Variants in RASA2 observed in about 807,000 individuals in gnomAD.
RASA2 encodes the protein RAS p21 protein activator 2, also known as ras GTPase-activating protein 2.
Under a neutral mutation model 118.2 loss-of-function variants are expected in RASA2, and 155 were observed. That is an observed-to-expected ratio of 1.31 (90% CI 1.15 to 1.50). The LOEUF (loss-of-function observed/expected upper bound fraction) is 1.50, where lower values mean the gene tolerates loss of function less well. Ranked by LOEUF, RASA2 falls within the 40% of genes most tolerant of loss-of-function variation. The pLI is 0.00. For synonymous variants in RASA2, 353 were observed against 349.1 expected, an observed-to-expected ratio of 1.01 and a Z score of -0.12; for missense variants, 1,016 against 1,009.6, an observed-to-expected ratio of 1.01 and a Z score of -0.09.
rs201542142 is a variant in RASA2, at chr3:141,507,030, TGAA to T, written c.134-5129_134-5127del. ...AATTTTATCCAAATGCTACAGAAGATGAAGAAATATTTTGTGAAGGTAGATACA... is the reference window on the plus strand; with the variant it reads ...AATTTTATCCAAATGCTACAGAAGATGAAATATTTTGTGAAGGTAGATACA... On this transcript the variant is annotated intron_variant, in intron 1 of 23. Transcript: ENST00000286364. 8.5e-3 allele frequency among the ~76,000 whole-genome samples: 1,297 copies of T among 152,142 alleles called. 20 individuals are homozygous for T. The highest frequency in any genetic ancestry group is 0.025 in the African/African-American group (1,046 of 41,504).
chr3:141,566,728 C>G (rs1429449323), intron 9 of RASA2, among the ~76,000 whole-genome samples: 1 of 151,992 alleles, frequency 6.6e-6, no homozygotes, highest in Non-Finnish European at 1.5e-5. Flanking sequence ...AAAAAAAAAT[C>G]AGTGTATGTA....
intron 7 of RASA2, among the ~76,000 whole-genome samples, chr3:141,558,435 A>G (rs1244807027): frequency 6.6e-6 from 1 of 152,212 alleles, no homozygotes; most frequent in Non-Finnish European, 1.5e-5. Flanking sequence ...TAAATTAAAT[A>G]GGAGATCAAG....
At chr3:141,491,850 T>C (rs2081643428) in intron 1 of RASA2, among the ~76,000 whole-genome samples, 1 of 152,246 alleles carries the variant, frequency 6.6e-6, no homozygotes, top group South Asian at 2.1e-4. Context: ...TTAAGTGTTT[T>C]AATTTGACAT....
At chr3:141,496,671 G>A (rs1269858706) in intron 1 of RASA2, among the ~76,000 whole-genome samples, 1 of 152,208 alleles carries the variant, frequency 6.6e-6, no homozygotes, top group East Asian at 1.9e-4. Flanking sequence ...AACAACAGGT[G>A]CTGGAGAGGA....
intron 19 of RASA2, among the ~76,000 whole-genome samples, chr3:141,595,406 G>A (rs1240773234): frequency 6.6e-6 from 1 of 152,150 alleles, no homozygotes; most frequent in Admixed American, 6.5e-5. Flanking sequence ...GAAAGTAATT[G>A]GGTGGAGAAA....
chr3:141,540,011 C>G lies in RASA2; in HGVS notation c.451-522C>G, dbSNP rs191979353. ...AACATCTATGGATTCCTACCCACTCCCACAGTGCCTTCTGAAACATAGTAG... is the reference window on the plus strand; with the variant it reads ...AACATCTATGGATTCCTACCCACTCGCACAGTGCCTTCTGAAACATAGTAG... On this transcript the variant is annotated intron_variant, in intron 4 of 23. Transcript: ENST00000286364. 1.4e-3 allele frequency among the ~76,000 whole-genome samples: 210 copies of G among 152,194 alleles called. 2 individuals carry two copies. The highest frequency in any genetic ancestry group is 4.6e-3 in the African/African-American group (191 of 41,542).
intron 15 of RASA2, chr3:141,579,615 A>C (rs956988685): frequency 6.6e-6 from 1 of 152,204 alleles, no homozygotes; most frequent in Admixed American, 6.5e-5. Flanking sequence ...AGGTGAGCTG[A>C]GCACAGAAAA....
At chr3:141,603,139 A>C (rs189583110) in intron 19 of RASA2, among the ~76,000 whole-genome samples, 89 of 152,276 alleles carry the variant, frequency 5.8e-4, no homozygotes, top group African/African-American at 2.1e-3. Flanking sequence ...GTTGTTTTTA[A>C]CAATTTGCCC....
At chr3:141,542,589 T>C (rs1227143215) in intron 5 of RASA2, among the ~76,000 whole-genome samples, 2 of 152,132 alleles carry the variant, frequency 1.3e-5, no homozygotes, top group Admixed American at 1.3e-4. Flanking sequence ...CCCTTCATTC[T>C]TTTTCCCTCA....
chr3:141,558,384 A>G (rs1378055722), intron 7 of RASA2, among the ~76,000 whole-genome samples: 2 of 152,200 alleles, frequency 1.3e-5, no homozygotes, highest in Non-Finnish European at 2.9e-5. Context: ...GGTAAATTCT[A>G]TAGAGTGTTT....
At chr3:141,550,406 A>C (rs1336621589) in intron 5 of RASA2, among the ~76,000 whole-genome samples, 1 of 152,206 alleles carries the variant, frequency 6.6e-6, no homozygotes, top group Non-Finnish European at 1.5e-5. Flanking sequence ...AAAACTAATG[A>C]ACTGTCTCAG....
rs374194333 is a variant in RASA2, at chr3:141,610,657, T to G, written c.2519+591T>G. On this transcript the variant is annotated intron_variant, in intron 23 of 23. Coordinates refer to ENST00000286364, the MANE Select transcript of RASA2 (RefSeq NM_006506.5). ...AAGTGTACACCACTGTGCCCAGCTA[T>G]TTGTTTTATTTTTTGTAAAAACAGG... 2.0e-5 allele frequency among the ~76,000 whole-genome samples: 3 copies of G among 150,790 alleles called. No homozygotes were observed. The South Asian group carries it at 6.3e-4, about 31-fold the overall frequency.
intron 3 of RASA2, among the ~76,000 whole-genome samples, chr3:141,519,466 T>C (rs1458028065): frequency 6.6e-6 from 1 of 152,258 alleles, no homozygotes; most frequent in Non-Finnish European, 1.5e-5. Context: ...ACATTTATCC[T>C]TAAGCCTTCT....
At chr3:141,507,081 A>G (rs2081880732) in intron 1 of RASA2, among the ~76,000 whole-genome samples, 2 of 152,228 alleles carry the variant, frequency 1.3e-5, no homozygotes, top group African/African-American at 4.8e-5. Flanking sequence ...GTTAAGATCC[A>G]TTTCCCAAGT....
chr3:141,552,293 G>A (rs1383231313), intron 5 of RASA2, among the ~76,000 whole-genome samples: 1 of 152,068 alleles, frequency 6.6e-6, no homozygotes, highest in Non-Finnish European at 1.5e-5. Flanking sequence ...TGAGATAAAT[G>A]TGGTATTACA....
intron 5 of RASA2, among the ~76,000 whole-genome samples, chr3:141,545,952 G>A (rs890090951): frequency 6.6e-6 from 1 of 152,104 alleles, no homozygotes; most frequent in Non-Finnish European, 1.5e-5. Flanking sequence ...GAGACCATAC[G>A]AGGTTTGTCT....
At chr3:141,610,329 AATAT>A (rs200011335) in intron 23 of RASA2, among the ~76,000 whole-genome samples, 57 of 137,796 alleles carry the variant, frequency 4.1e-4, no homozygotes, top group Admixed American at 1.7e-3. Context: ...TATGTATATA[AATAT>A]ATATTTTATA....
intron 19 of RASA2, among the ~76,000 whole-genome samples, chr3:141,596,680 A>T (rs1241233519): frequency 6.6e-6 from 1 of 152,240 alleles, no homozygotes; most frequent in African/African-American, 2.4e-5. Flanking sequence ...ACAAGTGGAT[A>T]ATAAGCATAT....
intron 20 of RASA2, 33 bp from the exon 21 acceptor site, chr3:141,608,456 G>A: frequency 6.2e-7 from 1 of 1,600,600 alleles, no homozygotes; most frequent in Non-Finnish European, 8.6e-7. Context: ...TTGGACTCTT[G>A]TCACTAACTT....
Sources: allele counts gnomAD v4.1 joint callset (sites outside exome capture counted in the v4.1 genomes callset), GRCh38; gene constraint gnomAD v4.1.1; transcripts MANE v1.5; gene names NCBI Gene and HGNC (gene_info 2026-07-23, HGNC 2026-07-21).